COG4: variants seen among roughly 807,000 people sequenced by gnomAD.
COG4 encodes the protein conserved oligomeric Golgi complex subunit 4.
Under a neutral mutation model 95.1 loss-of-function variants are expected in COG4, and 65 were observed. The ratio of observed to expected loss-of-function variants is 0.68; its 90% CI spans 0.56 to 0.84. The LOEUF is 0.84. COG4 is among the 40% of genes least tolerant of loss of function. COG4 has a pLI of 0.00. For synonymous variants in COG4, 421 were observed against 374.8 expected (o/e 1.12, Z -1.42); for missense variants, 1,045 against 989.1 (o/e 1.06, Z -0.76).
At chr16:70,499,814 C>T (rs1399302029) in intron 9 of COG4, among the ~76,000 whole-genome samples, 1 of 152,064 alleles carries the variant, frequency 6.6e-6, no homozygotes, top group African/African-American at 2.4e-5. Context: ...CACCCGCCAC[C>T]ACGCCCGGCT....
At position 70,514,366 on chromosome 16, in the gene COG4, C is replaced by CA; in HGVS notation, c.512_513insT (p.Val172GlyfsTer3). 1 of 1,614,142 alleles carries CA rather than the reference C, an allele frequency of 6.2e-7. No homozygotes were observed. The highest frequency in any genetic ancestry group is 1.3e-5 in the African/African-American group (1 of 75,028). ...TGCCCTGTCGGCTGAGCTCAATGACCGACTTGTCCAGGCACAAGTAGCGAT... is the reference window on the plus strand; with the variant it reads ...TGCCCTGTCGGCTGAGCTCAATGACCAGACTTGTCCAGGCACAAGTAGCGAT... On this transcript the variant is annotated frameshift_variant, in exon 4 of 19. Coordinates refer to ENST00000323786, the MANE Select transcript of COG4 (RefSeq NM_015386.3). LOFTEE classifies it high-confidence loss of function.
rs757774654 is a variant in COG4, at chr16:70,514,506, G to A, written c.373C>T (p.Arg125Cys). 3.3e-5 allele frequency: 53 copies of A among 1,613,738 alleles called. No homozygotes were observed. The highest frequency in any genetic ancestry group is 2.9e-4 in the African/African-American group (22 of 75,010). Residue 125 changes from arginine to cysteine, a missense_variant, in exon 4 of 19, where the codon CGC becomes TGC. Physicochemically the swap from Arg to Cys is radical, Grantham distance 180. Transcript: ENST00000323786. The part of the protein sequence containing the change: ...KVRQLDLAKN[R>C]LYQAIQRADD... ...GCTCTCTGAATGGCCTGATAGAGGC[G>A]GTTCTGCAAAAAGATTTGGTACTTA... is the stretch of plus-strand genomic sequence containing the variant.
chr16:70,516,473 T>A (rs2049825532), intron 3 of COG4, among the ~76,000 whole-genome samples: 1 of 152,080 alleles, frequency 6.6e-6, no homozygotes, highest in Non-Finnish European at 1.5e-5. Flanking sequence ...ATTTTTTGTA[T>A]TTTTAGTACA....
At chr16:70,498,362 CTT>C (rs1299585613) in intron 9 of COG4, among the ~76,000 whole-genome samples, 20 of 151,052 alleles carry the variant, frequency 1.3e-4, no homozygotes, top group Admixed American at 8.6e-4. Flanking sequence ...GAGTTTCACT[CTT>C]GTTGCCCAGG....
At chr16:70,491,556 A>G (rs7194521) in intron 12 of COG4, among the ~76,000 whole-genome samples, 79,030 of 140,434 alleles carry the variant, frequency 0.56, 24,915 homozygotes, top group African/African-American at 0.87. Flanking sequence ...GGGGCAGGGT[A>G]GCTCATGCCT....
chr16:70,485,205 CT>C (rs1262821692), intron 13 of COG4, among the ~76,000 whole-genome samples: 292 of 130,352 alleles, frequency 2.2e-3, no homozygotes, highest in Admixed American at 2.5e-3. Context: ...CCCTGTCTCT[CT>C]TTTTTTTTTT....
chr16:70,490,463 G>C (rs866331090), intron 12 of COG4, 71 bp from the exon 13 acceptor site: 16 of 1,248,306 alleles, frequency 1.3e-5, no homozygotes, highest in Middle Eastern at 3.7e-4. Context: ...TGCCAGACTG[G>C]CTGACAGCTG....
intron 13 of COG4, among the ~76,000 whole-genome samples, chr16:70,487,617 GA>G (rs1314282336): frequency 6.6e-6 from 1 of 152,156 alleles, no homozygotes; most frequent in Non-Finnish European, 1.5e-5. Flanking sequence ...CCAACTTGTT[GA>G]ACACATACGA....
intron 8 of COG4, 88 bp from the exon 9 acceptor site, chr16:70,501,179 C>G: frequency 6.8e-7 from 1 of 1,467,694 alleles, no homozygotes; most frequent in Non-Finnish European, 9.4e-7. Flanking sequence ...CAAATTCCCC[C>G]TCCCCACTGG....
In COG4 at chr16:70,483,864, C is replaced by T; in HGVS notation, c.1816G>A (p.Asp606Asn). ...AACCTGGGGCTTACCTGCAAGAGGT[C>T]TCGGAATTTGTTGGACACGGCGGCC... ...DLAAVSNKFR[D>N]LLQEGLTELN... The change falls in exon 14 of 19, where the codon GAC becomes AAC. Residue 606 changes from aspartate to asparagine, a missense_variant. Transcript: ENST00000323786. 1.2e-6 allele frequency: 2 copies of T among 1,613,228 alleles called. No homozygotes were observed. The highest frequency in any genetic ancestry group is 2.2e-5 in the East Asian group (1 of 44,888).
At chr16:70,485,774 G>A (rs928389116) in intron 13 of COG4, among the ~76,000 whole-genome samples, 1 of 140,470 alleles carries the variant, frequency 7.1e-6, no homozygotes, top group African/African-American at 2.7e-5. Flanking sequence ...TTGTAGAGAT[G>A]GGGTTTCACC....
rs1249842381 is a variant in COG4, at chr16:70,509,973, T to C, written c.787A>G (p.Met263Val). 4 of 1,614,062 alleles carry C rather than the reference T, an allele frequency of 2.5e-6. No individual in the cohort carries two copies. The highest frequency in any genetic ancestry group is 1.1e-5 in the South Asian group (1 of 91,080). Reference sequence around the variant, plus strand: ...ATGACTGCAGCTCTCCGATCACTCATGTCTGTCCCCAGCACCATGAGCAGA... The same window carrying C: ...ATGACTGCAGCTCTCCGATCACTCACGTCTGTCCCCAGCACCATGAGCAGA... ...ENLLMVLGTD[M>V]SDRRAAVIFA... The change falls in exon 6 of 19, where the codon ATG becomes GTG. Residue 263 changes from methionine to valine, a missense_variant. Transcript: ENST00000323786.
At chr16:70,487,923 C>A (rs917200242) in intron 13 of COG4, among the ~76,000 whole-genome samples, 1 of 151,914 alleles carries the variant, frequency 6.6e-6, no homozygotes, top group African/African-American at 2.4e-5. Context: ...CTCCCAGGTT[C>A]AAGCGATTCT....
intron 8 of COG4, among the ~76,000 whole-genome samples, chr16:70,506,883 G>T (rs1597679339): frequency 6.6e-6 from 1 of 152,222 alleles, no homozygotes; most frequent in Non-Finnish European, 1.5e-5. Context: ...GGCTTCAAAA[G>T]TGTAGTCATG....
chr16:70,489,887 A>C (rs2049209950), intron 13 of COG4, among the ~76,000 whole-genome samples: 1 of 152,032 alleles, frequency 6.6e-6, no homozygotes, highest in Non-Finnish European at 1.5e-5. Context: ...GCACGATCTC[A>C]GCTCACTGCA....
intron 13 of COG4, among the ~76,000 whole-genome samples, chr16:70,485,606 G>C (rs1317210144): frequency 2.2e-5 from 3 of 137,728 alleles, no homozygotes; most frequent in African/African-American, 8.3e-5. Flanking sequence ...TTTTTTTTGA[G>C]ACAGAGTCTT....
intron 12 of COG4, 93 bp downstream of exon 12, chr16:70,496,173 C>A (rs762947647): frequency 3.8e-5 from 51 of 1,340,974 alleles, no homozygotes; most frequent in Non-Finnish European, 5.3e-5. Context: ...GAGGAAAAGT[C>A]TCTAGCTAGA....
intron 17 of COG4, 125 bp from the exon 18 acceptor site, chr16:70,481,612 C>T: frequency 6.7e-7 from 1 of 1,487,586 alleles, no homozygotes; most frequent in Non-Finnish European, 9.3e-7. Context: ...TTTGTTTGCT[C>T]TACGGCTTCA....
intron 8 of COG4, among the ~76,000 whole-genome samples, chr16:70,503,680 C>T (rs1474141305): frequency 8.1e-6 from 1 of 123,044 alleles, no homozygotes; most frequent in Non-Finnish European, 1.5e-5. Context: ...CTGCAAGCTC[C>T]GCCTCTTGGG....
Sources: allele counts gnomAD v4.1 joint callset (sites outside exome capture counted in the v4.1 genomes callset), GRCh38; gene constraint gnomAD v4.1.1; transcripts MANE v1.5; gene names NCBI Gene and HGNC (gene_info 2026-07-23, HGNC 2026-07-21).